The following APBA2 variants were observed in gnomAD, a reference collection of about 807,000 sequenced individuals.
APBA2 encodes amyloid-beta A4 precursor protein-binding family A member 2.
In APBA2, 30 loss-of-function variants were observed where a neutral mutation model predicts 75.0. The ratio of observed to expected loss-of-function variants is 0.40; its 90% CI spans 0.30 to 0.54. APBA2 has a LOEUF of 0.54. Ranked by LOEUF, APBA2 falls within the 20% of genes least tolerant of loss-of-function variation. APBA2 has a pLI of 0.49. For missense variants in APBA2, 801 were observed against 1,016.1 expected (o/e 0.79, Z 2.88); for synonymous variants, 444 against 409.6 (o/e 1.08, Z -1.01).
Position 29,084,875 on chromosome 15 carries a change from A to G in APBA2, c.1070-8200A>G, listed in dbSNP as rs574837137. Among the ~76,000 whole-genome samples the G allele has an allele frequency of 4.6e-5, 7 of 152,284 alleles. 1 individual carries two copies. The South Asian group carries it at 1.5e-3, about 32-fold the overall frequency. On this transcript the variant is annotated intron_variant, in intron 6 of 14. Transcript: ENST00000683413. ...ATGGTGTTGTTTAATGTGTTCCTCT[A>G]TTCTCTGTGTCCTGTAAAATAGTGG...
chr15:28,916,670 T>G (rs1156968810), intron 1 of APBA2, among the ~76,000 whole-genome samples: 1 of 152,216 alleles, frequency 6.6e-6, no homozygotes, highest in Non-Finnish European at 1.5e-5. Context: ...TCTACACACG[T>G]GTGCTCGCTG....
At chr15:29,027,413 T>C (rs922865432) in intron 3 of APBA2, among the ~76,000 whole-genome samples, 2 of 152,172 alleles carry the variant, frequency 1.3e-5, no homozygotes, top group African/African-American at 4.8e-5. Context: ...TGCAAATTCA[T>C]TGGCATAAAG....
chr15:28,906,415 A>G (rs1193952109), intron 1 of APBA2, among the ~76,000 whole-genome samples: 1 of 152,144 alleles, frequency 6.6e-6, no homozygotes, highest in Non-Finnish European at 1.5e-5. Flanking sequence ...GGTTGTTACC[A>G]TTTTTCTCAC....
intron 6 of APBA2, among the ~76,000 whole-genome samples, chr15:29,090,827 C>T (rs892712877): frequency 2.0e-5 from 3 of 152,110 alleles, no homozygotes; most frequent in African/African-American, 7.2e-5. Context: ...TAGAAACAGG[C>T]CTACCTCAGG....
intron 1 of APBA2, among the ~76,000 whole-genome samples, chr15:28,887,092 A>C (rs977198993): frequency 1.3e-5 from 2 of 152,234 alleles, no homozygotes; most frequent in African/African-American, 4.8e-5. Context: ...GGGGCCTGCT[A>C]GTCTTAACTT....
chr15:28,911,890 C>T (rs1226169990), intron 1 of APBA2, among the ~76,000 whole-genome samples: 1 of 152,222 alleles, frequency 6.6e-6, no homozygotes, highest in South Asian at 2.1e-4. Context: ...TGCATATTTG[C>T]AGTGAGCTGC....
Position 29,117,198 on chromosome 15 carries a change from G to A in APBA2, c.*65G>A. On this transcript the variant is annotated 3_prime_UTR_variant, in exon 15 of 15. Transcript: ENST00000683413. Reference sequence around the variant, plus strand: ...GGCCGCCCGGGCCCAGAGGAGCTGGGAGCCGGGCCGCAGACTTGACCCCGA... The same window carrying A: ...GGCCGCCCGGGCCCAGAGGAGCTGGAAGCCGGGCCGCAGACTTGACCCCGA... 1 of 1,522,506 alleles carries A rather than the reference G, an allele frequency of 6.6e-7. No homozygotes were observed. The highest frequency in any genetic ancestry group is 9.1e-7 in the Non-Finnish European group (1 of 1,099,698). 94.3% of individuals were successfully genotyped at this position (1,522,506 alleles called of 1,614,324 possible). A position where few individuals can be genotyped will look rare whatever the true frequency, so the allele number is the denominator to read the frequency against.
At chr15:29,042,097 T>G (rs2152864564) in intron 3 of APBA2, among the ~76,000 whole-genome samples, 1 of 152,216 alleles carries the variant, frequency 6.6e-6, no homozygotes, top group Non-Finnish European at 1.5e-5. Flanking sequence ...CGTTTGCTTG[T>G]GGTGGTTTGC....
intron 3 of APBA2, among the ~76,000 whole-genome samples, chr15:29,023,942 T>G (rs1239300510): frequency 6.6e-6 from 1 of 150,768 alleles, no homozygotes; most frequent in Non-Finnish European, 1.5e-5. Flanking sequence ...CTCGCTCTGT[T>G]GCCCAGGCTG....
rs1252796074 is a variant in APBA2, at chr15:28,886,075, C to G, written c.-408C>G. ...GCGCCCCGCAGCCGCGCCGCGTGCG[C>G]CCGGCAGAGGCGGCCCTGCGTGCCG... On this transcript the variant is annotated 5_prime_UTR_variant, in exon 1 of 15. Transcript: ENST00000683413. 1 of 149,272 alleles carries G rather than the reference C, an allele frequency of 6.7e-6. No homozygotes were observed. Among genetic ancestry groups the G allele is most frequent in the Non-Finnish European group, 1.5e-5 (1 of 67,018 alleles). 9.2% of individuals were successfully genotyped at this position (149,272 alleles called of 1,614,324 possible).
At chr15:29,060,542 C>G (rs1441359464) in intron 4 of APBA2, among the ~76,000 whole-genome samples, 1 of 152,128 alleles carries the variant, frequency 6.6e-6, no homozygotes, top group Non-Finnish European at 1.5e-5. Flanking sequence ...GGTCTCTTCT[C>G]CTCTGTTGTC....
intron 2 of APBA2, chr15:28,970,212 T>G (rs2036990325): frequency 6.6e-6 from 1 of 152,168 alleles, no homozygotes; most frequent in African/African-American, 2.4e-5. Context: ...ATCCGCTGAT[T>G]GTTTTATTAT....
chr15:28,908,960 GC>G (rs2033283930), intron 1 of APBA2, among the ~76,000 whole-genome samples: 1 of 147,872 alleles, frequency 6.8e-6, no homozygotes, highest in African/African-American at 2.5e-5. Flanking sequence ...ACCTCCCCCA[GC>G]CCCCGGCAGC....
rs117990437 is a variant in APBA2 at position 28,991,252 on chromosome 15, G to A, written c.-94-4501G>A. ...ACTCCCTAAGCCCCACAGTAAAAAC[G>A]TCTCTCCTGGTCTGGGGGCGCATCC... On this transcript the variant is annotated intron_variant, in intron 2 of 14. Coordinates refer to ENST00000683413, the MANE Select transcript of APBA2 (RefSeq NM_001353788.2). The surrounding 1 kb of genome is among the most constrained non-coding windows in gnomAD (Gnocchi z 4.7). Among the ~76,000 whole-genome samples the A allele has an allele frequency of 3.5e-3, 531 of 152,292 alleles. 1 individual carries two copies. Among genetic ancestry groups the A allele is most frequent in the Non-Finnish European group, 6.0e-3 (408 of 68,024 alleles).
intron 2 of APBA2, among the ~76,000 whole-genome samples, chr15:28,950,341 A>ACC (rs1312538457): frequency 2.6e-5 from 4 of 152,106 alleles, no homozygotes; most frequent in Non-Finnish European, 5.9e-5. Flanking sequence ...AGATTACCCC[A>ACC]CCTTCAGCGG....
chr15:29,009,961 T>C (rs985097310), intron 3 of APBA2, among the ~76,000 whole-genome samples: 40 of 152,182 alleles, frequency 2.6e-4, no homozygotes, highest in African/African-American at 8.9e-4. Flanking sequence ...TATGTTTCTA[T>C]TTTAGTGAAC....
chr15:29,055,346 G>C (rs1051955327), intron 4 of APBA2, among the ~76,000 whole-genome samples: 1 of 152,232 alleles, frequency 6.6e-6, no homozygotes, highest in Admixed American at 6.5e-5. Flanking sequence ...GCCTTGGCCT[G>C]ATGGGCAATC....
In APBA2 at chr15:29,046,271, A is replaced by G. The variant is rs143795711; in HGVS notation, c.-40-7574A>G. 5.7e-3 allele frequency among the ~76,000 whole-genome samples: 865 copies of G among 152,328 alleles called. 11 individuals are homozygous for G. The highest frequency in any genetic ancestry group is 0.024 in the Middle Eastern group (7 of 294). The stretch of plus-strand genomic sequence containing the variant: ...GTAGGAGAACACTTTCTTTGAAAGA[A>G]CCACTTGTTTCTACCTACGTTTTTG... On this transcript the variant is annotated intron_variant, in intron 3 of 14. Coordinates refer to ENST00000683413, the MANE Select transcript of APBA2 (RefSeq NM_001353788.2). This position sits in a 1 kb window ranked among gnomAD's most constrained non-coding sequence, Gnocchi z 5.0.
At chr15:28,953,615 C>T (rs1027670023) in intron 2 of APBA2, among the ~76,000 whole-genome samples, 6 of 152,142 alleles carry the variant, frequency 3.9e-5, no homozygotes, top group Admixed American at 2.0e-4. Flanking sequence ...TGTAAGACTC[C>T]AAGTCTCCAG....
Sources: gnomAD v4.1 joint callset for allele counts (sites outside exome capture counted in the v4.1 genomes callset) on GRCh38, gnomAD v4.1.1 for gene constraint, Gnocchi (gnomAD v3.1) non-coding constraint, MANE v1.5 for transcripts, NCBI Gene and HGNC (gene_info 2026-07-23, HGNC 2026-07-21) for gene names.